The following NRXN1 variants were observed in gnomAD, a reference collection of about 807,000 sequenced individuals.
NRXN1 encodes the protein neurexin 1.
Under a neutral mutation model 150.9 loss-of-function variants are expected in NRXN1, and 39 were observed. The ratio of observed to expected loss-of-function variants is 0.26; its 90% CI spans 0.20 to 0.34. NRXN1 has a LOEUF of 0.34. Among genes scored for constraint, NRXN1 ranks in the 10% least tolerant of loss-of-function variants. NRXN1 has a pLI of 1.00. For missense variants in NRXN1, 1,815 were observed against 1,949.9 expected (o/e 0.93, Z 1.30); for synonymous variants, 924 against 757.0 (o/e 1.22, Z -3.62).
At chr2:50,913,967 G>T (rs1172622245) in intron 5 of NRXN1, among the ~76,000 whole-genome samples, 1 of 151,752 alleles carries the variant, frequency 6.6e-6, no homozygotes, top group Non-Finnish European at 1.5e-5. Context: ...TCTCCTTGGT[G>T]ATTACAGTAA....
At chr2:50,447,292 G>A (rs2086501739) in intron 17 of NRXN1, among the ~76,000 whole-genome samples, 1 of 151,622 alleles carries the variant, frequency 6.6e-6, no homozygotes. Context: ...TGGCCAACAT[G>A]GTGAAACCCC....
intron 17 of NRXN1, among the ~76,000 whole-genome samples, chr2:50,414,999 C>G (rs1242851634): frequency 6.6e-6 from 1 of 152,030 alleles, no homozygotes; most frequent in East Asian, 1.9e-4. Context: ...TTCATCTTTC[C>G]CATTACTCTC....
intron 5 of NRXN1, among the ~76,000 whole-genome samples, chr2:50,786,476 G>A (rs957569830): frequency 2.0e-5 from 3 of 151,976 alleles, no homozygotes; most frequent in Non-Finnish European, 2.9e-5. Flanking sequence ...TTGGGTTTTC[G>A]GACGGAATTT....
intron 5 of NRXN1, among the ~76,000 whole-genome samples, chr2:50,652,203 T>C (rs1165169894): frequency 6.6e-6 from 1 of 152,106 alleles, no homozygotes; most frequent in East Asian, 1.9e-4. Flanking sequence ...GGCTTCTATA[T>C]TCAAGCATCC....
In NRXN1 at chr2:50,860,885, G is replaced by T. The variant is rs189076743; in HGVS notation, c.832+60984C>A. Among the ~76,000 whole-genome samples, 107 of 152,168 alleles carry T rather than the reference G, an allele frequency of 7.0e-4. 1 individual carries two copies. In the East Asian group the frequency reaches 0.017, roughly 25 times the overall value. ...ACATTCAACATGACATACTTATAAA[G>T]ATTTTAAAAAGGTCTTTGATGTTTC... On this transcript the variant is annotated intron_variant, in intron 5 of 22. Coordinates refer to ENST00000401669, the MANE Select transcript of NRXN1 (RefSeq NM_001330078.2).
intron 17 of NRXN1, among the ~76,000 whole-genome samples, chr2:50,266,056 T>C (rs979354310): frequency 6.7e-6 from 1 of 149,156 alleles, no homozygotes; most frequent in Non-Finnish European, 1.5e-5. Flanking sequence ...TGGAGTGCAG[T>C]GGCACGATCT....
chr2:50,401,825 T>C (rs151052403), intron 17 of NRXN1, among the ~76,000 whole-genome samples: 306 of 152,300 alleles, frequency 2.0e-3, no homozygotes, highest in African/African-American at 7.0e-3. Context: ...CTAACAGCTC[T>C]TTCTGGTATT....
intron 18 of NRXN1, among the ~76,000 whole-genome samples, chr2:50,119,678 A>G (rs1703587539): frequency 6.6e-6 from 1 of 152,198 alleles, no homozygotes; most frequent in Admixed American, 6.5e-5. Flanking sequence ...TTGTTTTAAA[A>G]TCCTAATTCT....
chr2:50,475,435 G>A (rs1475204132), intron 15 of NRXN1, among the ~76,000 whole-genome samples: 1 of 152,052 alleles, frequency 6.6e-6, no homozygotes, highest in African/African-American at 2.4e-5. Context: ...TGAGGAGAGT[G>A]CTAATTCTAA....
At chr2:50,594,073 C>T (rs564073226) in intron 8 of NRXN1, among the ~76,000 whole-genome samples, 1 of 152,286 alleles carries the variant, frequency 6.6e-6, no homozygotes, top group South Asian at 2.1e-4. Flanking sequence ...ATTTGCTTCG[C>T]CTTCCACCAT....
At chr2:50,230,637 C>G (rs1489502426) in intron 18 of NRXN1, among the ~76,000 whole-genome samples, 1 of 151,886 alleles carries the variant, frequency 6.6e-6, no homozygotes, top group African/African-American at 2.4e-5. Context: ...CTGTTTTGTT[C>G]TCATTTCTTA....
At chr2:50,832,455 T>C (rs566004677) in intron 5 of NRXN1, among the ~76,000 whole-genome samples, 2 of 152,104 alleles carry the variant, frequency 1.3e-5, no homozygotes, top group African/African-American at 2.4e-5. Flanking sequence ...GAGTTCGAGA[T>C]CCACCTGGCC....
intron 3 of NRXN1, among the ~76,000 whole-genome samples, chr2:50,923,019 T>C (rs1371254720): frequency 6.6e-6 from 1 of 151,848 alleles, no homozygotes; most frequent in African/African-American, 2.4e-5. Flanking sequence ...AATGAGACTG[T>C]TTTGCATATT....
At chr2:50,837,085 A>C (rs1273867459) in intron 5 of NRXN1, among the ~76,000 whole-genome samples, 1 of 152,104 alleles carries the variant, frequency 6.6e-6, no homozygotes, top group African/African-American at 2.4e-5. Flanking sequence ...AATAAAACCT[A>C]CCCTGGTTAA....
intron 5 of NRXN1, among the ~76,000 whole-genome samples, chr2:50,735,073 A>T (rs1422599461): frequency 1.3e-5 from 2 of 152,136 alleles, no homozygotes; most frequent in Non-Finnish European, 2.9e-5. Flanking sequence ...ATGGTGTTAG[A>T]CTATTCTCAT....
intron 5 of NRXN1, among the ~76,000 whole-genome samples, chr2:50,846,684 G>T (rs1673703040): frequency 6.6e-6 from 1 of 152,100 alleles, no homozygotes; most frequent in Non-Finnish European, 1.5e-5. Flanking sequence ...TACTACAAAA[G>T]CAACAATTCA....
chr2:49,989,503 T>C (rs1374108228), intron 21 of NRXN1, among the ~76,000 whole-genome samples: 2 of 152,158 alleles, frequency 1.3e-5, no homozygotes, highest in Non-Finnish European at 2.9e-5. Context: ...GGAGCATACC[T>C]TTACTTGAAC....
chr2:50,711,043 T>A (rs1035523497), intron 5 of NRXN1, among the ~76,000 whole-genome samples: 1 of 152,156 alleles, frequency 6.6e-6, no homozygotes, highest in Non-Finnish European at 1.5e-5. Context: ...ACAGAATTAA[T>A]ATAAAATAGA....
intron 5 of NRXN1, among the ~76,000 whole-genome samples, chr2:50,858,151 T>C (rs1457607777): frequency 1.3e-5 from 2 of 152,078 alleles, no homozygotes; most frequent in Non-Finnish European, 2.9e-5. Flanking sequence ...TCATTGTTTG[T>C]GCATAAATCT....
Sources: allele counts gnomAD v4.1 joint callset (sites outside exome capture counted in the v4.1 genomes callset), GRCh38; gene constraint gnomAD v4.1.1; transcripts MANE v1.5; gene names NCBI Gene and HGNC (gene_info 2026-07-23, HGNC 2026-07-21).